OLA1: variants seen among roughly 807,000 people sequenced by gnomAD.
OLA1 encodes the protein obg-like ATPase 1.
In OLA1, 14 loss-of-function variants were observed where a neutral mutation model predicts 48.4. That is an observed-to-expected ratio of 0.29 (90% CI 0.19 to 0.45). The LOEUF (loss-of-function observed/expected upper bound fraction) is 0.45, where lower values mean the gene tolerates loss of function less well. Among genes scored for constraint, OLA1 ranks in the 20% least tolerant of loss-of-function variants. The pLI is 1.00. For missense variants in OLA1, 325 were observed against 467.1 expected (o/e 0.70, Z 2.80); for synonymous variants, 127 against 150.4 (o/e 0.84, Z 1.14).
At chr2:174,204,034 C>T (rs1455696778) in intron 4 of OLA1, among the ~76,000 whole-genome samples, 1 of 151,732 alleles carries the variant, frequency 6.6e-6, no homozygotes, top group Non-Finnish European at 1.5e-5. Flanking sequence ...ACCTCGTGAT[C>T]CACCTGCCTT....
chr2:174,151,343 T>TC (rs1339920737), intron 4 of OLA1, among the ~76,000 whole-genome samples: 1 of 152,032 alleles, frequency 6.6e-6, no homozygotes, highest in Non-Finnish European at 1.5e-5. Flanking sequence ...AATGCAAACT[T>TC]CAGAAAAAGA....
At chr2:174,216,301 T>C (rs1294636495) in intron 4 of OLA1, among the ~76,000 whole-genome samples, 1 of 152,028 alleles carries the variant, frequency 6.6e-6, no homozygotes, top group East Asian at 1.9e-4. Context: ...AAACCCTATC[T>C]CTAAAACAAT....
At chr2:174,115,737 T>A (rs1685766227) in intron 7 of OLA1, among the ~76,000 whole-genome samples, 1 of 152,218 alleles carries the variant, frequency 6.6e-6, no homozygotes, top group Non-Finnish European at 1.5e-5. Context: ...CTCCCTGAAC[T>A]GAGCTTTCCA....
chr2:174,190,251 G>A (rs939823449), intron 4 of OLA1, among the ~76,000 whole-genome samples: 2 of 152,108 alleles, frequency 1.3e-5, no homozygotes, highest in Non-Finnish European at 2.9e-5. Flanking sequence ...CTTTATGTCT[G>A]TTTTACTTTT....
chr2:174,152,747 T>C (rs1686776420), intron 4 of OLA1, among the ~76,000 whole-genome samples: 1 of 152,218 alleles, frequency 6.6e-6, no homozygotes, highest in Non-Finnish European at 1.5e-5. Context: ...ATAGTATAAC[T>C]GGAATTGGTG....
At chr2:174,177,864 T>C (rs1358067399) in intron 4 of OLA1, among the ~76,000 whole-genome samples, 1 of 152,014 alleles carries the variant, frequency 6.6e-6, no homozygotes, top group African/African-American at 2.4e-5. Flanking sequence ...TTCTTAAATT[T>C]TTTTCAGATA....
At chr2:174,087,045 T>TG (rs1266860900) in intron 7 of OLA1, among the ~76,000 whole-genome samples, 12 of 150,446 alleles carry the variant, frequency 8.0e-5, no homozygotes, top group Middle Eastern at 3.4e-3. Flanking sequence ...TTTTTTTTTT[T>TG]GAGACAAAGT....
At chr2:174,099,106 A>G (rs986651389) in intron 7 of OLA1, among the ~76,000 whole-genome samples, 1 of 152,148 alleles carries the variant, frequency 6.6e-6, no homozygotes, top group Non-Finnish European at 1.5e-5. Flanking sequence ...CAAGAAATAG[A>G]TTTGAGGTAA....
At chr2:174,191,124 C>G (rs746779511) in intron 4 of OLA1, among the ~76,000 whole-genome samples, 1 of 151,806 alleles carries the variant, frequency 6.6e-6, no homozygotes, top group Non-Finnish European at 1.5e-5. Flanking sequence ...GTTCCCCCAA[C>G]CAAAAAAATG....
At chr2:174,181,724 G>A (rs1230468832) in intron 4 of OLA1, among the ~76,000 whole-genome samples, 1 of 152,182 alleles carries the variant, frequency 6.6e-6, no homozygotes, top group African/African-American at 2.4e-5. Context: ...ATATTTACGT[G>A]ATTTTTTCCC....
At chr2:174,129,719 C>A (rs1686133362) in intron 5 of OLA1, among the ~76,000 whole-genome samples, 1 of 151,958 alleles carries the variant, frequency 6.6e-6, no homozygotes, top group Non-Finnish European at 1.5e-5. Flanking sequence ...ACAAATATCA[C>A]TGTTATAATA....
intron 7 of OLA1, among the ~76,000 whole-genome samples, chr2:174,097,275 C>T (rs1176015011): frequency 2.6e-5 from 4 of 152,086 alleles, no homozygotes. Context: ...AGCACAATGA[C>T]TGGAAAAATA....
intron 7 of OLA1, among the ~76,000 whole-genome samples, chr2:174,104,294 T>C (rs16862365): frequency 0.025 from 3,767 of 152,186 alleles, 152 homozygotes; most frequent in African/African-American, 0.084. Flanking sequence ...CCACACAATG[T>C]AAGTTTTCAG....
chr2:174,139,047 C>T (rs1433628694), intron 5 of OLA1, among the ~76,000 whole-genome samples: 1 of 152,146 alleles, frequency 6.6e-6, no homozygotes, highest in Non-Finnish European at 1.5e-5. Flanking sequence ...ATGGGATGTA[C>T]ATACACTTAA....
At chr2:174,228,652 G>T (rs977346574) in intron 3 of OLA1, among the ~76,000 whole-genome samples, 1 of 151,794 alleles carries the variant, frequency 6.6e-6, no homozygotes, top group East Asian at 1.9e-4. Flanking sequence ...AAACATAGAG[G>T]AATATAAGAA....
intron 4 of OLA1, among the ~76,000 whole-genome samples, chr2:174,192,528 C>A (rs1489968543): frequency 6.6e-6 from 1 of 152,128 alleles, no homozygotes; most frequent in Non-Finnish European, 1.5e-5. Context: ...AACCATATGA[C>A]CCTCAAAGCC....
chr2:174,190,282 T>C (rs2105422293), intron 4 of OLA1, among the ~76,000 whole-genome samples: 1 of 152,308 alleles, frequency 6.6e-6, no homozygotes, highest in Non-Finnish European at 1.5e-5. Flanking sequence ...CGTAATTACC[T>C]GCTCAAAACA....
intron 4 of OLA1, among the ~76,000 whole-genome samples, chr2:174,161,336 T>G (rs1234924728): frequency 6.6e-6 from 1 of 152,210 alleles, no homozygotes; most frequent in Non-Finnish European, 1.5e-5. Context: ...ACACATGCTG[T>G]ATATAAATAT....
intron 6 of OLA1, 85 bp from the exon 7 acceptor site, chr2:174,123,362 C>T: frequency 1.5e-6 from 1 of 660,356 alleles, no homozygotes; most frequent in East Asian, 3.0e-5. Flanking sequence ...AGTAAACATT[C>T]CTTAAAACAA....
Sources: gnomAD v4.1 joint callset for allele counts (sites outside exome capture counted in the v4.1 genomes callset) on GRCh38, gnomAD v4.1.1 for gene constraint, MANE v1.5 for transcripts, NCBI Gene and HGNC (gene_info 2026-07-23, HGNC 2026-07-21) for gene names.